Variants in IRAK3 observed in about 807,000 individuals in gnomAD.
IRAK3 encodes the protein interleukin-1 receptor-associated kinase 3.
Under a neutral mutation model 56.6 loss-of-function variants are expected in IRAK3, and 57 were observed. The ratio of observed to expected loss-of-function variants is 1.01; its 90% CI spans 0.81 to 1.26. IRAK3 has a LOEUF of 1.26. Among genes scored for constraint, IRAK3 ranks in the 50% most tolerant of loss-of-function variants. The pLI, the probability that IRAK3 is intolerant of heterozygous loss-of-function variation, is 0.00. For synonymous variants in IRAK3, 258 were observed against 255.7 expected (o/e 1.01, Z -0.09); for missense variants, 703 against 719.0 (o/e 0.98, Z 0.25).
rs1364121297 is a variant in IRAK3, at chr12:66,254,580, T to G, written c.*6409T>G. The G allele has an allele frequency of 6.6e-6, 1 of 152,036 alleles. No individual in the cohort carries two copies. Among genetic ancestry groups the G allele is most frequent in the Non-Finnish European group, 1.5e-5 (1 of 67,948 alleles). The allele number at this position is 152,036 out of a possible 1,614,324, so 9.4% of individuals were successfully genotyped here. On this transcript the variant is annotated 3_prime_UTR_variant, in exon 12 of 12. Transcript: ENST00000261233. ...TTTGAAACTTTTTATAATGAACATA[T>G]ATCATTTTTATTAGAAAAGAATAAA...
At chr12:66,231,656 C>T (rs1046681996) in intron 8 of IRAK3, among the ~76,000 whole-genome samples, 5 of 152,118 alleles carry the variant, frequency 3.3e-5, no homozygotes, top group African/African-American at 9.7e-5. Flanking sequence ...TTGAAAGAAG[C>T]GGAGAGAATA....
chr12:66,210,594 A>G (rs945941989), intron 4 of IRAK3, among the ~76,000 whole-genome samples: 3 of 152,224 alleles, frequency 2.0e-5, no homozygotes, highest in Non-Finnish European at 2.9e-5. Flanking sequence ...GCTGAAGGTC[A>G]GTATGAAAAT....
Position 66,247,004 on chromosome 12 carries a change from T to C in IRAK3, c.1315-691T>C, listed in dbSNP as rs2053039626. On this transcript the variant is annotated intron_variant, in intron 11 of 11. Coordinates refer to ENST00000261233, the MANE Select transcript of IRAK3 (RefSeq NM_007199.3). ...CTGGCATTTAGTCAGGGGCCCTGGC[T>C]CACGACTGTAATCCCAGCACTTTGA... is the stretch of plus-strand genomic sequence containing the variant. 2.0e-5 allele frequency among the ~76,000 whole-genome samples: 3 copies of C among 152,174 alleles called. No homozygotes were observed. In the South Asian group the frequency reaches 6.2e-4, roughly 31 times the overall value.
At chr12:66,235,351 G>C (rs1486517582) in intron 8 of IRAK3, 1 of 1,050,166 alleles carries the variant, frequency 9.5e-7, no homozygotes, top group Non-Finnish European at 1.1e-6. Context: ...GCCTCGCCGC[G>C]AGGGGGAGGA....
At chr12:66,235,955 T>C (rs1167538871) in intron 8 of IRAK3, among the ~76,000 whole-genome samples, 1 of 152,182 alleles carries the variant, frequency 6.6e-6, no homozygotes, top group East Asian at 1.9e-4. Context: ...CAGACCTTAC[T>C]GTCTCAAACC....
chr12:66,246,434 G>A (rs572453210), intron 11 of IRAK3, among the ~76,000 whole-genome samples: 1 of 152,182 alleles, frequency 6.6e-6, no homozygotes, highest in Non-Finnish European at 1.5e-5. Flanking sequence ...GCCATGCAAG[G>A]GTTTTAAACA....
intron 6 of IRAK3, among the ~76,000 whole-genome samples, chr12:66,222,590 TGA>T (rs1447486015): frequency 1.3e-5 from 2 of 152,130 alleles, no homozygotes; most frequent in African/African-American, 4.8e-5. Flanking sequence ...TCAATTTTTC[TGA>T]GAGATATTAA....
intron 5 of IRAK3, among the ~76,000 whole-genome samples, chr12:66,212,616 A>G (rs1357040602): frequency 2.6e-5 from 4 of 152,216 alleles, no homozygotes; most frequent in African/African-American, 4.8e-5. Context: ...ACAAAAGATT[A>G]AACTGTTGTA....
intron 1 of IRAK3, chr12:66,197,928 CAG>C: frequency 1.0e-6 from 1 of 984,676 alleles, no homozygotes. Flanking sequence ...AAAAAACAAA[CAG>C]AGAATGGAAT....
chr12:66,241,625 C>T (rs755059998), intron 8 of IRAK3, among the ~76,000 whole-genome samples: 3 of 152,178 alleles, frequency 2.0e-5, no homozygotes. Context: ...TACCGCTAAC[C>T]TTTATTTAGA....
rs1443344445 is a variant in IRAK3 at position 66,235,017 on chromosome 12, C to A, written c.887+6647C>A. On this transcript the variant is annotated intron_variant, in intron 8 of 11. Transcript: ENST00000261233. ...TTGTTCGTTGTCTTATGCAAAATTG[C>A]GTTTGTGGAGACTATTTTCCCATAT... 2.5e-6 allele frequency: 4 copies of A among 1,613,466 alleles called. No homozygotes were observed. The South Asian group carries it at 4.4e-5, about 18-fold the overall frequency.
chr12:66,212,773 A>AG (rs1031872736), intron 5 of IRAK3, among the ~76,000 whole-genome samples: 1 of 152,154 alleles, frequency 6.6e-6, no homozygotes, highest in African/African-American at 2.4e-5. Context: ...GAACGAACAC[A>AG]GGAACAGGAA....
chr12:66,198,699 G>A (rs2052478380), intron 1 of IRAK3, among the ~76,000 whole-genome samples: 1 of 151,116 alleles, frequency 6.6e-6, no homozygotes, highest in African/African-American at 2.4e-5. Flanking sequence ...TATGATACAG[G>A]ATGCCTAATA....
At position 66,244,649 on chromosome 12, in the gene IRAK3, CT is replaced by C; in HGVS notation, c.1054del (p.Ser352ProfsTer12). The C allele has an allele frequency of 6.2e-7, 1 of 1,613,994 alleles. No homozygotes were observed. The highest frequency in any genetic ancestry group is 8.5e-7 in the Non-Finnish European group (1 of 1,179,906). On this transcript the variant is annotated frameshift_variant, in exon 9 of 12. Transcript: ENST00000261233. LOFTEE classifies it high-confidence loss of function. The part of the protein sequence containing the change: ...MPEEYIRQGK[L>X]SIKTDVYSFG... ...AGAAGAGTACATCAGACAGGGGAAA[CT>C]TTCCATTAAAACAGATGTCTACAGC...
intron 1 of IRAK3, among the ~76,000 whole-genome samples, chr12:66,202,829 GAAAA>G (rs74548918): frequency 7.3e-6 from 1 of 136,326 alleles, no homozygotes; most frequent in Non-Finnish European, 1.6e-5. Flanking sequence ...AAAATAAAAG[GAAAA>G]AAAAAAAGAA....
At chr12:66,219,298 G>T (rs950589542) in intron 6 of IRAK3, among the ~76,000 whole-genome samples, 26 of 152,190 alleles carry the variant, frequency 1.7e-4, no homozygotes, top group African/African-American at 6.0e-4. Flanking sequence ...AGAGGGACCT[G>T]GTCGGAGATT....
chr12:66,192,414 A>G (rs574997955), intron 1 of IRAK3, among the ~76,000 whole-genome samples: 2 of 152,332 alleles, frequency 1.3e-5, no homozygotes, highest in East Asian at 3.9e-4. Context: ...TTTACGTTAC[A>G]GACATGATAA....
Position 66,189,307 on chromosome 12 carries a change from G to A in IRAK3, c.8G>A (p.Gly3Glu), listed in dbSNP as rs2136906930. 6.5e-7 allele frequency: 1 copy of A among 1,535,638 alleles called. No homozygotes were observed. Among genetic ancestry groups the A allele is most frequent in the South Asian group, 1.2e-5 (1 of 84,210 alleles). The change falls in exon 1 of 12, where the codon GGG becomes GAG. Residue 3 changes from glycine to glutamate, a missense_variant. Coordinates refer to ENST00000261233, the MANE Select transcript of IRAK3 (RefSeq NM_007199.3). MAGNCGARGALSA... is the reference protein window; with the variant it reads MAENCGARGALSA... ...GGCTCGGGCAGCCGAGCCATGGCGG[G>A]GAACTGTGGGGCCCGCGGCGCGCTG...
Position 66,247,907 on chromosome 12 carries a change from C to T in IRAK3, c.1527C>T (p.Cys509=), listed in dbSNP as rs2053052883. The T allele has an allele frequency of 6.2e-7, 1 of 1,614,070 alleles. No individual in the cohort carries two copies. The highest frequency in any genetic ancestry group is 1.3e-5 in the African/African-American group (1 of 74,918). The part of the protein sequence containing the change: ...DRMTQKTPFE[C]SQSEVMFLSL... ...TGACTCAGAAAACTCCTTTTGAATG[C>T]AGCCAGTCTGAGGTTATGTTTCTGA... The change falls in exon 12 of 12, where the codon TGC becomes TGT. Residue 509 remains cysteine (C), a synonymous_variant. Coordinates refer to ENST00000261233, the MANE Select transcript of IRAK3 (RefSeq NM_007199.3).
Sources: gnomAD v4.1 joint callset for allele counts (sites outside exome capture counted in the v4.1 genomes callset) on GRCh38, gnomAD v4.1.1 for gene constraint, MANE v1.5 for transcripts, NCBI Gene and HGNC (gene_info 2026-07-23, HGNC 2026-07-21) for gene names.